Variants in SLC25A12 observed in about 807,000 individuals in gnomAD.
SLC25A12 encodes electrogenic aspartate/glutamate antiporter SLC25A12, mitochondrial.
In SLC25A12, 32 loss-of-function variants were observed where a neutral mutation model predicts 83.3. The observed-to-expected ratio is 0.38, with a 90% CI of 0.29 to 0.52. The LOEUF (loss-of-function observed/expected upper bound fraction) is 0.52, where lower values mean the gene tolerates loss of function less well. Among genes scored for constraint, SLC25A12 ranks in the 20% least tolerant of loss-of-function variants. The pLI is 0.84. For synonymous variants in SLC25A12, 267 were observed against 291.1 expected (o/e 0.92, Z 0.84); for missense variants, 611 against 835.6 (o/e 0.73, Z 3.31).
At chr2:171,820,638 G>T (rs1684168004) in intron 9 of SLC25A12, among the ~76,000 whole-genome samples, 1 of 138,508 alleles carries the variant, frequency 7.2e-6, no homozygotes, top group Non-Finnish European at 1.6e-5. Context: ...TGAGGCAGGA[G>T]AATGGCGTGA....
chr2:171,818,296 G>A (rs1271095279), intron 9 of SLC25A12, among the ~76,000 whole-genome samples: 1 of 152,074 alleles, frequency 6.6e-6, no homozygotes, highest in Non-Finnish European at 1.5e-5. Flanking sequence ...TTAAGGTTAT[G>A]ATTATGGTCG....
chr2:171,860,531 G>A (rs1201248902), intron 3 of SLC25A12, among the ~76,000 whole-genome samples: 1 of 152,112 alleles, frequency 6.6e-6, no homozygotes, highest in Admixed American at 6.6e-5. Context: ...GAACCCGCGA[G>A]GTAGAGGTTG....
At chr2:171,829,000 G>A (rs1316440467) in intron 8 of SLC25A12, among the ~76,000 whole-genome samples, 1 of 152,146 alleles carries the variant, frequency 6.6e-6, no homozygotes, top group Non-Finnish European at 1.5e-5. Flanking sequence ...GGATGCCCCA[G>A]GTAAAATTTG....
chr2:171,845,904 T>G, intron 4 of SLC25A12: 1 of 413,804 alleles, frequency 2.4e-6, no homozygotes, highest in Non-Finnish European at 4.8e-6. Flanking sequence ...GTCAAGCGTT[T>G]TCACCTTACA....
Position 171,785,175 on chromosome 2 carries a change from C to T in SLC25A12, c.*99G>A, listed in dbSNP as rs958387271. ...CAGAAAGAAGAGTTTGACTCCTCAG[C>T]TCAGTCAGTACCATGCAGCTGACTG... On this transcript the variant is annotated 3_prime_UTR_variant, in exon 18 of 18. Transcript: ENST00000422440. 3 of 1,063,332 alleles carry T rather than the reference C, an allele frequency of 2.8e-6. No homozygotes were observed. In the African/African-American group the frequency reaches 4.7e-5, roughly 17 times the overall value. 65.9% of individuals were successfully genotyped at this position (1,063,332 alleles called of 1,614,324 possible).
chr2:171,879,837 T>C (rs896403046), intron 2 of SLC25A12, among the ~76,000 whole-genome samples: 1 of 152,140 alleles, frequency 6.6e-6, no homozygotes, highest in Admixed American at 6.5e-5. Flanking sequence ...ACCTTTAACA[T>C]AGCAGGGTGC....
At chr2:171,824,556 T>C (rs985051735) in intron 9 of SLC25A12, among the ~76,000 whole-genome samples, 3 of 152,178 alleles carry the variant, frequency 2.0e-5, no homozygotes, top group African/African-American at 4.8e-5. Flanking sequence ...CTGCAAAATA[T>C]CTTCTTTTGA....
chr2:171,811,476 T>C (rs1683944910), intron 11 of SLC25A12, among the ~76,000 whole-genome samples: 1 of 152,202 alleles, frequency 6.6e-6, no homozygotes, highest in African/African-American at 2.4e-5. Flanking sequence ...ATAAGGCTCA[T>C]GGAATTTAAT....
At chr2:171,816,405 A>G (rs1282434682) in intron 9 of SLC25A12, among the ~76,000 whole-genome samples, 1 of 152,080 alleles carries the variant, frequency 6.6e-6, no homozygotes, top group Admixed American at 6.6e-5. Flanking sequence ...ACCAAAATCC[A>G]TGGATGCTCA....
At chr2:171,819,992 T>C (rs955455814) in intron 9 of SLC25A12, among the ~76,000 whole-genome samples, 3 of 152,182 alleles carry the variant, frequency 2.0e-5, no homozygotes, top group African/African-American at 7.2e-5. Flanking sequence ...TACCGTATGT[T>C]CTCACTTATA....
chr2:171,819,331 A>T (rs1214996704), intron 9 of SLC25A12, among the ~76,000 whole-genome samples: 4 of 119,978 alleles, frequency 3.3e-5, no homozygotes, highest in Non-Finnish European at 6.8e-5. Context: ...CATAATATAT[A>T]ATTATATATA....
chr2:171,789,471 G>A (rs1574672186), intron 15 of SLC25A12, among the ~76,000 whole-genome samples: 1 of 152,022 alleles, frequency 6.6e-6, no homozygotes, highest in Non-Finnish European at 1.5e-5. Context: ...CTCGTGATCT[G>A]CCCGCCTTGG....
chr2:171,804,126 T>TA (rs1204123819), intron 13 of SLC25A12, among the ~76,000 whole-genome samples: 3 of 152,168 alleles, frequency 2.0e-5, no homozygotes, highest in Non-Finnish European at 4.4e-5. Flanking sequence ...AGTATATCCA[T>TA]ATATTCAGCA....
At chr2:171,801,907 CTG>C (rs3058854) in intron 13 of SLC25A12, among the ~76,000 whole-genome samples, 28,166 of 145,224 alleles carry the variant, frequency 0.19, 3,048 homozygotes, top group East Asian at 0.45. Context: ...ATATCTGGAT[CTG>C]TGTGTGTGTG....
At chr2:171,858,578 T>C (rs1419427771) in intron 3 of SLC25A12, among the ~76,000 whole-genome samples, 1 of 152,254 alleles carries the variant, frequency 6.6e-6, no homozygotes, top group Non-Finnish European at 1.5e-5. Context: ...GCTGGCAGAC[T>C]GAATTTGGTC....
chr2:171,811,113 T>C (rs534628958), intron 11 of SLC25A12, among the ~76,000 whole-genome samples: 19 of 152,346 alleles, frequency 1.2e-4, no homozygotes, highest in Non-Finnish European at 2.8e-4. Flanking sequence ...TTTTTAAAGA[T>C]GCTAACAATA....
At chr2:171,840,532 GAA>G (rs1684650083) in intron 5 of SLC25A12, among the ~76,000 whole-genome samples, 1 of 151,966 alleles carries the variant, frequency 6.6e-6, no homozygotes, top group Non-Finnish European at 1.5e-5. Context: ...AGAAGTGAAA[GAA>G]AAGAGTGCAT....
In SLC25A12 at chr2:171,791,560, A is replaced by T. The variant is rs764633931; in HGVS notation, c.1476T>A (p.Ile492=). ...KGAKACFLRD[I]PFSAIYFPVY... ...CAGGAAAATAGATTGCAGAGAAGGG[A>T]ATGTCTCGGAGGAAACACGCTTTGG... is the stretch of plus-strand genomic sequence containing the variant. Residue 492 remains isoleucine (I), a synonymous_variant, in exon 15 of 18, where the codon ATT becomes ATA. Coordinates refer to ENST00000422440, the MANE Select transcript of SLC25A12 (RefSeq NM_003705.5). 6.2e-7 allele frequency: 1 copy of T among 1,613,958 alleles called. No individual in the cohort carries two copies. The highest frequency in any genetic ancestry group is 8.5e-7 in the Non-Finnish European group (1 of 1,179,804).
intron 13 of SLC25A12, among the ~76,000 whole-genome samples, chr2:171,808,550 C>G (rs1024543554): frequency 2.6e-5 from 4 of 152,164 alleles, no homozygotes; most frequent in African/African-American, 7.2e-5. Context: ...TTTTAAAGTT[C>G]CAGTTAACAT....
Sources: gnomAD v4.1 joint callset for allele counts (sites outside exome capture counted in the v4.1 genomes callset) on GRCh38, gnomAD v4.1.1 for gene constraint, MANE v1.5 for transcripts, NCBI Gene and HGNC (gene_info 2026-07-23, HGNC 2026-07-21) for gene names.